Variants in PAX2 observed in about 807,000 individuals in gnomAD.
PAX2 encodes paired box 2.
PAX2 carries 9 observed loss-of-function variants against 41.7 expected under a neutral mutation model. The observed-to-expected ratio is 0.22, with a 90% CI of 0.13 to 0.38. PAX2 has a LOEUF of 0.38. Ranked by LOEUF, PAX2 falls within the 10% of genes least tolerant of loss-of-function variation. The pLI is 1.00. For missense variants in PAX2, 418 were observed against 531.6 expected (o/e 0.79, Z 2.10); for synonymous variants, 221 against 212.7 (o/e 1.04, Z -0.34).
intron 5 of PAX2, among the ~76,000 whole-genome samples, chr10:100,797,421 A>G (rs561481120): frequency 3.3e-5 from 5 of 152,350 alleles, no homozygotes; most frequent in African/African-American, 4.8e-5. Context: ...ACCTTGGGAA[A>G]GTTCCTTAAT....
In PAX2 at chr10:100,802,361, G is replaced by A. The variant is rs147289961; in HGVS notation, c.617-4069G>A. ...CTTTGGATGGCAGCTCAGCAGCCCC[G>A]GGGTTAAGTTCTGCTGCTCACCAGG... On this transcript the variant is annotated intron_variant, in intron 5 of 9. Coordinates refer to ENST00000355243, the MANE Select transcript of PAX2 (RefSeq NM_000278.5). Among the ~76,000 whole-genome samples the A allele has an allele frequency of 4.8e-3, 725 of 152,274 alleles. 9 individuals are homozygous for A. Among genetic ancestry groups the A allele is most frequent in the African/African-American group, 0.017 (690 of 41,534 alleles).
chr10:100,811,499 C>G (rs995504580), intron 7 of PAX2, among the ~76,000 whole-genome samples: 1 of 152,220 alleles, frequency 6.6e-6, no homozygotes, highest in African/African-American at 2.4e-5. Context: ...TAGTAGTGAG[C>G]AGTGATGCAA....
At chr10:100,801,434 G>A (rs112763758) in intron 5 of PAX2, among the ~76,000 whole-genome samples, 21 of 152,306 alleles carry the variant, frequency 1.4e-4, no homozygotes, top group African/African-American at 2.9e-4. Flanking sequence ...TTGTTTAATC[G>A]AATTAATTTA....
intron 1 of PAX2, among the ~76,000 whole-genome samples, chr10:100,739,654 C>T (rs1209248325): frequency 2.6e-5 from 4 of 152,198 alleles, no homozygotes; most frequent in Non-Finnish European, 4.4e-5. Flanking sequence ...CTTCCCTGGC[C>T]CTGCTCTCCG....
intron 7 of PAX2, among the ~76,000 whole-genome samples, chr10:100,821,981 C>T (rs1407502971): frequency 6.6e-6 from 1 of 152,110 alleles, no homozygotes; most frequent in Non-Finnish European, 1.5e-5. Context: ...ATTAATCTCT[C>T]TAGGAATTGA....
Position 100,747,746 on chromosome 10 carries a change from G to T in PAX2, c.43+1443G>T, listed in dbSNP as rs562227236. 2.0e-5 allele frequency: 20 copies of T among 985,008 alleles called. No homozygotes were observed. In the South Asian group the frequency reaches 8.5e-4, roughly 42 times the overall value. 61.0% of individuals were successfully genotyped at this position (985,008 alleles called of 1,614,324 possible). A position where few individuals can be genotyped will look rare whatever the true frequency, so the allele number is the denominator to read the frequency against. On this transcript the variant is annotated intron_variant, in intron 1 of 9. Coordinates refer to ENST00000355243, the MANE Select transcript of PAX2 (RefSeq NM_000278.5). ...CCAAGCGCAGGAAAGCCGCGCCGAG[G>T]GCATCAGGCCTCCGCGGGTCTCGGC...
intron 3 of PAX2, among the ~76,000 whole-genome samples, chr10:100,755,156 A>T (rs572895793): frequency 1.4e-4 from 22 of 152,332 alleles, no homozygotes; most frequent in Non-Finnish European, 1.3e-4. Context: ...TGAAATTCTC[A>T]TTCCTTAAAA....
intron 5 of PAX2, among the ~76,000 whole-genome samples, chr10:100,784,391 C>T (rs1846764329): frequency 6.6e-6 from 1 of 152,140 alleles, no homozygotes; most frequent in Admixed American, 6.5e-5. Flanking sequence ...AAGGGCTAGA[C>T]CCTAGAGGGA....
Position 100,781,156 on chromosome 10 carries a change from T to G in PAX2, c.497-90T>G. 6 of 1,325,530 alleles carry G rather than the reference T, an allele frequency of 4.5e-6. No individual in the cohort carries two copies. The South Asian group carries it at 7.0e-5, about 16-fold the overall frequency. 82.1% of individuals were successfully genotyped at this position (1,325,530 alleles called of 1,614,324 possible). ...CTCATCCCTCCTTATGTCCTCTGCT[T>G]CTCTCTGCCCCCCAGCCTTGGGGCT... On this transcript the variant is annotated intron_variant, in intron 4 of 9. Transcript: ENST00000355243.
chr10:100,797,619 TATCC>T (rs1311966941), intron 5 of PAX2, among the ~76,000 whole-genome samples: 1 of 152,248 alleles, frequency 6.6e-6, no homozygotes, highest in African/African-American at 2.4e-5. Flanking sequence ...TAGTGTCTGG[TATCC>T]AAGTAGAAAC....
At chr10:100,746,375 C>T (rs1845174448) in intron 1 of PAX2, 72 bp downstream of exon 1, 2 of 1,086,562 alleles carry the variant, frequency 1.8e-6, no homozygotes, top group Non-Finnish European at 2.9e-6. Flanking sequence ...CCCAGCGTGG[C>T]CCCGGCCCCT....
intron 5 of PAX2, among the ~76,000 whole-genome samples, chr10:100,789,185 C>A (rs932828818): frequency 6.6e-6 from 1 of 152,220 alleles, no homozygotes; most frequent in Non-Finnish European, 1.5e-5. Context: ...CAGCTCACTG[C>A]AACCTCTGCC....
upstream of PAX2, among the ~76,000 whole-genome samples, chr10:100,741,514 A>G (rs1250335600): frequency 6.7e-6 from 1 of 150,144 alleles, no homozygotes; most frequent in African/African-American, 2.5e-5. Flanking sequence ...GCCGGGCAGG[A>G]GCCGGTCAGG....
chr10:100,740,996 C>T (rs1257107899), upstream of PAX2, among the ~76,000 whole-genome samples: 4 of 152,230 alleles, frequency 2.6e-5, 1 homozygote, highest in African/African-American at 9.6e-5. Context: ...CTGGCTGGCC[C>T]GTGCCACTAA....
intron 5 of PAX2, among the ~76,000 whole-genome samples, chr10:100,799,078 C>T (rs947321704): frequency 6.6e-6 from 1 of 152,264 alleles, no homozygotes; most frequent in Non-Finnish European, 1.5e-5. Flanking sequence ...GTGAACCCCT[C>T]AGAGGCGGAA....
At chr10:100,809,053 A>G (rs1250487394) in intron 6 of PAX2, 57 bp from the exon 7 acceptor site, 11 of 1,568,750 alleles carry the variant, frequency 7.0e-6, no homozygotes, top group Non-Finnish European at 9.6e-6. Context: ...CTGCACACCG[A>G]GCCCTTTCTC....
chr10:100,798,173 T>C (rs1847406595), intron 5 of PAX2, among the ~76,000 whole-genome samples: 1 of 143,846 alleles, frequency 7.0e-6, no homozygotes, highest in Non-Finnish European at 1.5e-5. Flanking sequence ...TGGAGTGCAG[T>C]GGCATGATCT....
intron 7 of PAX2, among the ~76,000 whole-genome samples, chr10:100,812,353 T>C (rs1848020762): frequency 6.6e-6 from 1 of 152,208 alleles, no homozygotes; most frequent in African/African-American, 2.4e-5. Context: ...AGCCCACGGC[T>C]CTAGGCTGCT....
chr10:100,789,342 G>A (rs1281057517), intron 5 of PAX2, among the ~76,000 whole-genome samples: 1 of 152,174 alleles, frequency 6.6e-6, no homozygotes, highest in African/African-American at 2.4e-5. Context: ...CTGACCTCAG[G>A]TGATCCACCC....
Sources: gnomAD v4.1 joint callset for allele counts (sites outside exome capture counted in the v4.1 genomes callset) on GRCh38, gnomAD v4.1.1 for gene constraint, MANE v1.5 for transcripts, NCBI Gene and HGNC (gene_info 2026-07-23, HGNC 2026-07-21) for gene names.